ADGRG6: variants seen among roughly 807,000 people sequenced by gnomAD.
The protein encoded by ADGRG6 is G-protein coupled receptor 126.
Under a neutral mutation model 142.4 loss-of-function variants are expected in ADGRG6, and 84 were observed. The ratio of observed to expected loss-of-function variants is 0.59; its 90% confidence interval spans 0.49 to 0.71. The LOEUF (loss-of-function observed/expected upper bound fraction) is 0.71, where lower values mean the gene tolerates loss of function less well. ADGRG6 is among the 30% of genes least tolerant of loss of function. The pLI is 0.00. For missense variants in ADGRG6, 1,367 were observed against 1,466.6 expected (o/e 0.93, Z 1.11); for synonymous variants, 521 against 520.5 (o/e 1.00, Z -0.01).
intron 3 of ADGRG6, among the ~76,000 whole-genome samples, chr6:142,369,641 C>G (rs1219361079): frequency 2.0e-5 from 3 of 152,094 alleles, no homozygotes; most frequent in Non-Finnish European, 4.4e-5. Context: ...GTTCCTAAAA[C>G]AGCCTGATGA....
Position 142,370,763 on chromosome 6 carries a change from G to T in ADGRG6, c.1039G>T (p.Ala347Ser), listed in dbSNP as rs1445427454. 2 of 1,612,530 alleles carry T rather than the reference G, an allele frequency of 1.2e-6. No homozygotes were observed. Among genetic ancestry groups the T allele is most frequent in the Non-Finnish European group, 1.7e-6 (2 of 1,179,450 alleles). ...QNDFWNIPNL[A>S]LKAESNLSCG... ...TGACTTCTGGAATATCCCAAACCTA[G>T]CTCTGAAAGCTGAAAGCAACCTAAG... The change falls in exon 4 of 25, where the codon GCT becomes TCT. Residue 347 changes from alanine (A) to serine (S), a missense_variant. Transcript: ENST00000367609.
chr6:142,323,368 G>T (rs1421383779), intron 2 of ADGRG6, among the ~76,000 whole-genome samples: 1 of 151,932 alleles, frequency 6.6e-6, no homozygotes, highest in Non-Finnish European at 1.5e-5. Context: ...TTAAAAAAAG[G>T]TGAGGCTCAA....
At chr6:142,351,774 A>G (rs756473660) in intron 2 of ADGRG6, among the ~76,000 whole-genome samples, 6 of 152,178 alleles carry the variant, frequency 3.9e-5, no homozygotes, top group Non-Finnish European at 7.4e-5. Context: ...TACAGAAGGG[A>G]GAAAATATCC....
intron 4 of ADGRG6, among the ~76,000 whole-genome samples, chr6:142,379,279 C>T (rs1341392849): frequency 6.6e-6 from 1 of 152,178 alleles, no homozygotes; most frequent in East Asian, 1.9e-4. Context: ...AAATGTTATG[C>T]ATTCTATCTT....
At chr6:142,391,438 C>T (rs1774892213) in intron 7 of ADGRG6, among the ~76,000 whole-genome samples, 1 of 108,738 alleles carries the variant, frequency 9.2e-6, no homozygotes, top group Non-Finnish European at 1.6e-5. Context: ...GGTAGCTACA[C>T]ACACACACAC....
At chr6:142,415,475 G>A (rs1298506458) in intron 19 of ADGRG6, among the ~76,000 whole-genome samples, 1 of 151,784 alleles carries the variant, frequency 6.6e-6, no homozygotes, top group African/African-American at 2.4e-5. Context: ...ATAATTTAGG[G>A]AAATTATTTT....
rs143794105 is a variant in ADGRG6, at chr6:142,445,821, C to T, written c.*2306C>T. On this transcript the variant is annotated 3_prime_UTR_variant, in exon 25 of 25. Coordinates refer to ENST00000367609, the MANE Select transcript of ADGRG6 (RefSeq NM_198569.3). The stretch of plus-strand genomic sequence containing the variant: ...TTTGAGAATAGCATCAATTCAGACT[C>T]TCTTTTCATTATGTTTTCTTTTCTT... The T allele has an allele frequency of 6.6e-6, 1 of 152,250 alleles. No individual in the cohort carries two copies. Among genetic ancestry groups the T allele is most frequent in the East Asian group, 1.9e-4 (1 of 5,170 alleles). 9.4% of individuals were successfully genotyped at this position (152,250 alleles called of 1,614,324 possible).
chr6:142,323,179 CTAA>C (rs1218394059), intron 2 of ADGRG6, among the ~76,000 whole-genome samples: 1 of 150,638 alleles, frequency 6.6e-6, no homozygotes, highest in Non-Finnish European at 1.5e-5. Flanking sequence ...TTGAAGCAAA[CTAA>C]TAGGACCCAT....
At chr6:142,306,302 G>A (rs1366853794) in intron 1 of ADGRG6, among the ~76,000 whole-genome samples, 2 of 152,104 alleles carry the variant, frequency 1.3e-5, no homozygotes, top group African/African-American at 2.4e-5. Context: ...GAATCATATC[G>A]ACATTTAAAG....
chr6:142,310,161 T>C (rs1386049385), intron 2 of ADGRG6, among the ~76,000 whole-genome samples: 1 of 151,908 alleles, frequency 6.6e-6, no homozygotes, highest in Non-Finnish European at 1.5e-5. Context: ...AATTACAGCA[T>C]TTTTGGAATT....
rs532139635 is a variant in ADGRG6, at chr6:142,333,214, G to A, written c.103+23570G>A. Among the ~76,000 whole-genome samples, 9 of 152,228 alleles carry A rather than the reference G, an allele frequency of 5.9e-5. No homozygotes were observed. The South Asian group carries it at 1.9e-3, about 32-fold the overall frequency. On this transcript the variant is annotated intron_variant, in intron 2 of 24. Coordinates refer to ENST00000367609, the MANE Select transcript of ADGRG6 (RefSeq NM_198569.3). ...GTCAGTCAGTGACTCAGTTTGATTT[G>A]TCATTCAAACTCCTCTAGGGGACAG... is the stretch of plus-strand genomic sequence containing the variant.
At chr6:142,382,161 G>C in intron 5 of ADGRG6, 142 bp downstream of exon 5, 1 of 617,270 alleles carries the variant, frequency 1.6e-6, no homozygotes, top group Admixed American at 2.8e-5. Context: ...TTCTGCATGT[G>C]TTTTAGTTGT....
rs74651762 is a variant in ADGRG6 at position 142,323,214 on chromosome 6, A to C, written c.103+13570A>C. The stretch of plus-strand genomic sequence containing the variant: ...CCATAATCATCAGCTGTTAATATTA[A>C]GGTCCCAGATGGCTTGCGGGTTATA... On this transcript the variant is annotated intron_variant, in intron 2 of 24. Coordinates refer to ENST00000367609, the MANE Select transcript of ADGRG6 (RefSeq NM_198569.3). Among the ~76,000 whole-genome samples, 56 of 152,176 alleles carry C rather than the reference A, an allele frequency of 3.7e-4. No homozygotes were observed. In the East Asian group the frequency reaches 8.1e-3, roughly 22 times the overall value.
At chr6:142,434,474 A>G (rs1777380347) in intron 22 of ADGRG6, among the ~76,000 whole-genome samples, 1 of 151,982 alleles carries the variant, frequency 6.6e-6, no homozygotes. Flanking sequence ...ACAGGTGCCA[A>G]CCACCACATC....
At chr6:142,431,953 G>C (rs1777231404) in intron 22 of ADGRG6, among the ~76,000 whole-genome samples, 1 of 152,022 alleles carries the variant, frequency 6.6e-6, no homozygotes, top group Non-Finnish European at 1.5e-5. Flanking sequence ...AAATTGGAAT[G>C]AGAAATCAAA....
intron 21 of ADGRG6, among the ~76,000 whole-genome samples, chr6:142,418,858 C>T (rs779510100): frequency 2.0e-5 from 3 of 152,024 alleles, no homozygotes; most frequent in African/African-American, 4.8e-5. Flanking sequence ...CTTAAGAATT[C>T]CTATAGCGTC....
intron 2 of ADGRG6, among the ~76,000 whole-genome samples, chr6:142,365,050 T>C (rs1303624512): frequency 6.6e-6 from 1 of 152,200 alleles, no homozygotes; most frequent in South Asian, 2.1e-4. Context: ...CAGAGGTTGT[T>C]GCTTACTTTC....
At chr6:142,417,017 CAG>C in intron 20 of ADGRG6, 1 of 487,428 alleles carries the variant, frequency 2.1e-6, no homozygotes, top group Middle Eastern at 5.9e-4. Context: ...ACTAAGCAAA[CAG>C]AATTTTATTT....
intron 16 of ADGRG6, among the ~76,000 whole-genome samples, chr6:142,409,123 C>A (rs1194818176): frequency 2.0e-5 from 3 of 152,134 alleles, no homozygotes; most frequent in Non-Finnish European, 4.4e-5. Context: ...TCACCACTAT[C>A]CATCTCCCCA....
Sources: allele counts gnomAD v4.1 joint callset (sites outside exome capture counted in the v4.1 genomes callset), GRCh38; gene constraint gnomAD v4.1.1; transcripts MANE v1.5; gene names NCBI Gene and HGNC (gene_info 2026-07-23, HGNC 2026-07-21).